FANCB: variants seen among roughly 807,000 people sequenced by gnomAD.
FANCB encodes the protein FA complementation group B.
FANCB carries 5 observed loss-of-function variants against 38.9 expected under a neutral mutation model. That is an observed-to-expected ratio of 0.13 (90% confidence interval 0.07 to 0.27). The LOEUF is 0.27. FANCB is among the 10% of genes least tolerant of loss of function. The pLI, the probability that FANCB is intolerant of heterozygous loss-of-function variation, is 1.00. For synonymous variants in FANCB, 236 were observed against 215.4 expected (o/e 1.10, Z -0.84); for missense variants, 573 against 602.7 (o/e 0.95, Z 0.52).
chrX:14,805,820 C>T, the FANCB span, among the ~76,000 whole-genome samples: 1 of 111,839 alleles, frequency 8.9e-6, no homozygotes, highest in Non-Finnish European at 1.9e-5. Flanking sequence ...TTACATGGCC[C>T]GTTCTGACTG....
chrX:14,738,125 G>A, the FANCB span, among the ~76,000 whole-genome samples: 390 of 112,272 alleles, frequency 3.5e-3, 1 homozygote, highest in African/African-American at 0.011. Context: ...AGGCAAAGGC[G>A]TCTTGGATGG....
At chrX:14,737,859 C>A in the FANCB span, among the ~76,000 whole-genome samples, 1 of 111,716 alleles carries the variant, frequency 9.0e-6, no homozygotes, top group Non-Finnish European at 1.9e-5. Context: ...ATTCTCAATT[C>A]TTTTCCTTTC....
the FANCB span, among the ~76,000 whole-genome samples, chrX:14,727,090 A>C: frequency 8.9e-6 from 1 of 111,994 alleles, no homozygotes; most frequent in East Asian, 2.8e-4. Flanking sequence ...TAGGTTGTAC[A>C]TTTTAGAGAT....
chrX:14,832,158 C>T (rs769817558), downstream of FANCB, among the ~76,000 whole-genome samples: 73 of 111,989 alleles, frequency 6.5e-4, no homozygotes, highest in African/African-American at 2.3e-3. Flanking sequence ...ATTTATTGTT[C>T]CTCAGTTCTG....
chrX:14,694,623 T>C, the FANCB span, among the ~76,000 whole-genome samples: 1 of 111,810 alleles, frequency 8.9e-6, no homozygotes, highest in Non-Finnish European at 1.9e-5. Context: ...TGGCTTAGAT[T>C]ATGGTATTGG....
At chrX:14,791,209 G>C in the FANCB span, among the ~76,000 whole-genome samples, 1 of 111,824 alleles carries the variant, frequency 8.9e-6, no homozygotes, top group African/African-American at 3.2e-5. Context: ...TTGAAAACAG[G>C]GTCTTTACAG....
the FANCB span, among the ~76,000 whole-genome samples, chrX:14,712,408 T>G: frequency 9.0e-6 from 1 of 110,500 alleles, no homozygotes; most frequent in East Asian, 2.8e-4. Flanking sequence ...TTCTAGATCC[T>G]CTCCACTAAT....
the FANCB span, among the ~76,000 whole-genome samples, chrX:14,709,592 C>T: frequency 8.9e-6 from 1 of 112,035 alleles, no homozygotes; most frequent in Non-Finnish European, 1.9e-5. Context: ...AAGCTATAAG[C>T]GACAGTGAAC....
intron 3 of FANCB, among the ~76,000 whole-genome samples, chrX:14,859,768 T>C (rs919309763): frequency 1.3e-4 from 15 of 112,105 alleles, no homozygotes; most frequent in Non-Finnish European, 2.6e-4. Flanking sequence ...TATGTATTTA[T>C]GATCAGACAA....
At chrX:14,847,778 A>G (rs1198538314) in intron 7 of FANCB, among the ~76,000 whole-genome samples, 1 of 111,725 alleles carries the variant, frequency 9.0e-6, no homozygotes, top group Non-Finnish European at 1.9e-5. Context: ...GGAATACACA[A>G]TTGAAGATCA....
downstream of FANCB, among the ~76,000 whole-genome samples, chrX:14,841,016 C>A (rs2092353575): frequency 8.9e-6 from 1 of 112,253 alleles, no homozygotes; most frequent in Non-Finnish European, 1.9e-5. Context: ...CAAAGATATT[C>A]ATCATAGTAG....
the FANCB span, among the ~76,000 whole-genome samples, chrX:14,817,705 A>G: frequency 1.8e-5 from 2 of 112,175 alleles, no homozygotes; most frequent in African/African-American, 6.5e-5. Context: ...ATTTCTGTTC[A>G]GCATGTTCCA....
the FANCB span, among the ~76,000 whole-genome samples, chrX:14,706,723 G>T: frequency 8.9e-6 from 1 of 111,973 alleles, no homozygotes; most frequent in East Asian, 2.8e-4. Context: ...GAAATGATCT[G>T]AAATGGCATG....
chrX:14,859,139 A>C, intron 4 of FANCB, 43 bp downstream of exon 4: 1 of 984,954 alleles, frequency 1.0e-6, no homozygotes, highest in South Asian at 2.2e-5. Flanking sequence ...AAATTTTCTA[A>C]AATGGTTCTT....
At chrX:14,703,866 T>C in the FANCB span, among the ~76,000 whole-genome samples, 1 of 111,754 alleles carries the variant, frequency 8.9e-6, no homozygotes, top group Admixed American at 9.5e-5. Flanking sequence ...CACACATCCT[T>C]TATTGACTTT....
Position 14,864,569 on chromosome X carries a change from C to G in FANCB, c.942G>C (p.Glu314Asp), listed in dbSNP as rs1407018389. The part of the protein sequence containing the change: ...ISNNACAVWK[E>D]SFQVAAKWEK... ...ACAATAAGTGTTGTACCTGAAAGCT[C>G]TCTTTCCATACAGCACAAGCATTAT... Residue 314 changes from glutamate (E) to aspartate (D), a missense_variant, in exon 3 of 10, where the codon GAG becomes GAC. Transcript: ENST00000650831. 2.6e-6 allele frequency: 3 copies of G among 1,167,768 alleles called. No individual in the cohort carries two copies. Among genetic ancestry groups the G allele is most frequent in the South Asian group, 1.8e-5 (1 of 56,069 alleles).
At chrX:14,849,014 G>A (rs1463676598) in intron 7 of FANCB, among the ~76,000 whole-genome samples, 1 of 111,102 alleles carries the variant, frequency 9.0e-6, no homozygotes, top group Non-Finnish European at 1.9e-5. Context: ...CGGGCTGCTG[G>A]CCAGATCCCG....
the FANCB span, among the ~76,000 whole-genome samples, chrX:14,825,218 G>A: frequency 1.8e-5 from 2 of 111,494 alleles, no homozygotes; most frequent in Admixed American, 1.9e-4. Flanking sequence ...TTGGGGTTTT[G>A]TGAACTTGAG....
At chrX:14,706,332 T>G in the FANCB span, among the ~76,000 whole-genome samples, 3 of 112,004 alleles carry the variant, frequency 2.7e-5, no homozygotes, top group African/African-American at 9.7e-5. Context: ...CTCTAGAATA[T>G]ATCGCAGAGA....
Sources: gnomAD v4.1 joint callset for allele counts (sites outside exome capture counted in the v4.1 genomes callset) on GRCh38, gnomAD v4.1.1 for gene constraint, MANE v1.5 for transcripts, NCBI Gene and HGNC (gene_info 2026-07-23, HGNC 2026-07-21) for gene names.